Variants in KCNJ16 observed in about 807,000 individuals in gnomAD.
KCNJ16 encodes the protein potassium inwardly rectifying channel subfamily J member 16.
In KCNJ16, 15 loss-of-function variants were observed where a neutral mutation model predicts 18.5. The observed-to-expected ratio is 0.81, with a 90% CI of 0.54 to 1.25. The LOEUF (loss-of-function observed/expected upper bound fraction) is 1.25, where lower values mean the gene tolerates loss of function less well. Among genes scored for constraint, KCNJ16 ranks in the 50% most tolerant of loss-of-function variants. The pLI, the probability that KCNJ16 is intolerant of heterozygous loss-of-function variation, is 0.00. For synonymous variants in KCNJ16, 174 were observed against 186.5 expected, an observed-to-expected ratio of 0.93 and a Z score of 0.55; for missense variants, 523 against 525.7, an observed-to-expected ratio of 0.99 and a Z score of 0.05.
intron 1 of KCNJ16, among the ~76,000 whole-genome samples, chr17:70,082,857 A>T (rs536909097): frequency 6.6e-6 from 1 of 152,186 alleles, no homozygotes; most frequent in Non-Finnish European, 1.5e-5. Context: ...CAGAAAGAAC[A>T]CTGGGCCCAA....
At chr17:70,107,141 T>C (rs1156550305) in intron 2 of KCNJ16, among the ~76,000 whole-genome samples, 1 of 152,158 alleles carries the variant, frequency 6.6e-6, no homozygotes, top group African/African-American at 2.4e-5. Context: ...AATTGTCCTT[T>C]TAAAAAGACA....
At position 70,132,537 on chromosome 17, in the gene KCNJ16, G is replaced by A; in HGVS notation, c.450G>A (p.Val150=). Residue 150 remains valine, a synonymous_variant, in exon 4 of 4, where the codon GTG becomes GTA. Coordinates refer to ENST00000392671, the MANE Select transcript of KCNJ16 (RefSeq NM_170741.4). ...AATGTTCTGTGGCCGTGCTCATGGT[G>A]ATCCTCCAGTCCATCTTAAGTTGCA... ...TEECSVAVLM[V]ILQSILSCII... is the part of the protein sequence containing the mutation. 1 of 1,614,206 alleles carries A rather than the reference G, an allele frequency of 6.2e-7. No individual in the cohort carries two copies. Among genetic ancestry groups the A allele is most frequent in the South Asian group, 1.1e-5 (1 of 91,088 alleles).
At chr17:70,122,697 C>T (rs781534875) in intron 2 of KCNJ16, among the ~76,000 whole-genome samples, 13 of 152,136 alleles carry the variant, frequency 8.5e-5, no homozygotes, top group Admixed American at 2.6e-4. Context: ...GAGACTGCCT[C>T]GTAGGGAGCT....
chr17:70,130,781 C>T, intron 2 of KCNJ16, 98 bp from the exon 3 acceptor site: 1 of 612,362 alleles, frequency 1.6e-6, no homozygotes, highest in Non-Finnish European at 2.9e-6. Flanking sequence ...TCCCTTCATC[C>T]CATCTAGCAC....
intron 2 of KCNJ16, chr17:70,101,588 C>CT (rs10649326): frequency 0.099 from 14,885 of 150,380 alleles, 794 homozygotes; most frequent in African/African-American, 0.14. Flanking sequence ...TTGCAGATTT[C>CT]TTTTTTTTTG....
At chr17:70,107,853 A>G (rs2073004926) in intron 2 of KCNJ16, among the ~76,000 whole-genome samples, 1 of 152,134 alleles carries the variant, frequency 6.6e-6, no homozygotes, top group South Asian at 2.1e-4. Context: ...AAAACCTTTA[A>G]ATACTAATGT....
In KCNJ16 at chr17:70,132,619, A is replaced by G. The variant is rs747430411; in HGVS notation, c.532A>G (p.Arg178Gly). Residue 178 changes from arginine to glycine, a missense_variant, in exon 4 of 4, where the codon AGA becomes GGA. Coordinates refer to ENST00000392671, the MANE Select transcript of KCNJ16 (RefSeq NM_170741.4). ...GGCCAAAATGGCAACTGCTCGAAAG[A>G]GAGCCCAAACCATTCGTTTCAGCTA... Reference protein sequence around the residue: ...ALAKMATARKRAQTIRFSYFA... With the variant: ...ALAKMATARKGAQTIRFSYFA... The G allele has an allele frequency of 6.8e-6, 11 of 1,614,248 alleles. No individual in the cohort carries two copies. Among genetic ancestry groups the G allele is most frequent in the Non-Finnish European group, 9.3e-6 (11 of 1,180,050 alleles).
intron 1 of KCNJ16, among the ~76,000 whole-genome samples, chr17:70,078,069 AT>A (rs1163914716): frequency 2.0e-5 from 3 of 152,040 alleles, no homozygotes; most frequent in Non-Finnish European, 4.4e-5. Context: ...GGATGACTTT[AT>A]TTTTTTGTAT....
At chr17:70,081,992 T>C (rs2143571274) in intron 1 of KCNJ16, among the ~76,000 whole-genome samples, 1 of 152,316 alleles carries the variant, frequency 6.6e-6, no homozygotes, top group South Asian at 2.1e-4. Flanking sequence ...TCTTTTACAC[T>C]TTGGCTTCAT....
chr17:70,081,536 T>C (rs969890562), intron 1 of KCNJ16, among the ~76,000 whole-genome samples: 2 of 152,138 alleles, frequency 1.3e-5, no homozygotes, highest in East Asian at 1.9e-4. Context: ...TCAAGTACAA[T>C]AGAAATCAGG....
intron 1 of KCNJ16, among the ~76,000 whole-genome samples, chr17:70,081,741 A>G (rs1454047390): frequency 2.6e-5 from 4 of 152,012 alleles, no homozygotes; most frequent in Non-Finnish European, 5.9e-5. Context: ...AGCAGAGTTA[A>G]GAGGTGAGAA....
chr17:70,102,566 T>C (rs1297381442), intron 2 of KCNJ16, among the ~76,000 whole-genome samples: 1 of 152,144 alleles, frequency 6.6e-6, no homozygotes, highest in Non-Finnish European at 1.5e-5. Flanking sequence ...CAAGAGTAAT[T>C]GCAGGACATT....
chr17:70,117,344 C>T (rs1267535799), intron 2 of KCNJ16, among the ~76,000 whole-genome samples: 1 of 152,116 alleles, frequency 6.6e-6, no homozygotes, highest in Non-Finnish European at 1.5e-5. Context: ...AAACTAACCT[C>T]AGCATCACAC....
At position 70,132,060 on chromosome 17, in the gene KCNJ16, A is replaced by G; in HGVS notation, c.-28A>G. 1.2e-6 allele frequency: 2 copies of G among 1,613,804 alleles called. No homozygotes were observed. The highest frequency in any genetic ancestry group is 1.7e-6 in the Non-Finnish European group (2 of 1,179,962). ...TAGAATTCTTACTACTACAAAACTC[A>G]CCTGGATCCCTAAGGGCACAGCAAA... On this transcript the variant is annotated 5_prime_UTR_variant, in exon 4 of 4. Coordinates refer to ENST00000392671, the MANE Select transcript of KCNJ16 (RefSeq NM_170741.4).
At chr17:70,090,731 A>G (rs1395482169) in intron 1 of KCNJ16, among the ~76,000 whole-genome samples, 1 of 147,314 alleles carries the variant, frequency 6.8e-6, no homozygotes, top group African/African-American at 2.7e-5. Context: ...CCCACTCACA[A>G]TATGGCTAAC....
At chr17:70,123,399 C>T (rs576259650) in intron 2 of KCNJ16, among the ~76,000 whole-genome samples, 3 of 152,300 alleles carry the variant, frequency 2.0e-5, no homozygotes, top group African/African-American at 7.2e-5. Context: ...GCCTGGGAAA[C>T]ATTTTTGCTT....
intron 1 of KCNJ16, chr17:70,096,891 T>C (rs1033473936): frequency 3.8e-5 from 15 of 398,322 alleles, no homozygotes; most frequent in Non-Finnish European, 6.6e-5. Flanking sequence ...TAGACCAACC[T>C]ACATTTAAAA....
At chr17:70,106,446 A>G (rs2072930058) in intron 2 of KCNJ16, among the ~76,000 whole-genome samples, 2 of 152,190 alleles carry the variant, frequency 1.3e-5, no homozygotes, top group African/African-American at 4.8e-5. Context: ...AATTATTGTT[A>G]GCTCCATTTT....
intron 2 of KCNJ16, 65 bp downstream of exon 2, chr17:70,100,831 T>C (rs1248282576): frequency 6.6e-6 from 1 of 152,232 alleles, no homozygotes; most frequent in African/African-American, 2.4e-5. Context: ...CCTTCCTCCA[T>C]GAAAATGTGC....
Sources: allele counts gnomAD v4.1 joint callset (sites outside exome capture counted in the v4.1 genomes callset), GRCh38; gene constraint gnomAD v4.1.1; transcripts MANE v1.5; gene names NCBI Gene and HGNC (gene_info 2026-07-23, HGNC 2026-07-21).